The following GALNT17 variants were observed in gnomAD, a reference collection of about 807,000 sequenced individuals.
GALNT17 encodes polypeptide N-acetylgalactosaminyltransferase 17, also known as UDP-GalNAc:polypeptide N-acetylgalactosaminyltransferase-like 3.
In GALNT17, 29 loss-of-function variants were observed where a neutral mutation model predicts 63.7. The observed-to-expected ratio is 0.46, with a 90% confidence interval of 0.34 to 0.62. The LOEUF is 0.62. Among genes scored for constraint, GALNT17 ranks in the 20% least tolerant of loss-of-function variants. The probability of loss-of-function intolerance (pLI) is 0.01; values close to 1 mark genes in which losing one functional copy is unlikely to be tolerated. For missense variants in GALNT17, 603 were observed against 799.6 expected (o/e 0.75, Z 2.97); for synonymous variants, 305 against 318.3 (o/e 0.96, Z 0.45).
At chr7:71,301,862 C>A (rs1276503733) in intron 1 of GALNT17, among the ~76,000 whole-genome samples, 1 of 152,162 alleles carries the variant, frequency 6.6e-6, no homozygotes, top group Non-Finnish European at 1.5e-5. Context: ...CCTTTATAGG[C>A]GGTTTCTGCT....
At chr7:71,707,490 C>G (rs996760900) in intron 9 of GALNT17, among the ~76,000 whole-genome samples, 2 of 152,202 alleles carry the variant, frequency 1.3e-5, no homozygotes, top group Non-Finnish European at 2.9e-5. Context: ...TTCCCTGTAT[C>G]AGTCAGGAAT....
At chr7:71,626,931 G>A (rs1391948986) in intron 6 of GALNT17, among the ~76,000 whole-genome samples, 1 of 152,164 alleles carries the variant, frequency 6.6e-6, no homozygotes, top group Non-Finnish European at 1.5e-5. Context: ...GCCAGGACTG[G>A]GCGCCCCAGG....
At chr7:71,360,079 A>G (rs1792369653) in intron 2 of GALNT17, among the ~76,000 whole-genome samples, 3 of 152,212 alleles carry the variant, frequency 2.0e-5, no homozygotes, top group Admixed American at 6.5e-5. Context: ...CCAGGTTCCA[A>G]GTTTCAAAGA....
chr7:71,667,422 C>A (rs1202190626), intron 7 of GALNT17, among the ~76,000 whole-genome samples: 2 of 152,084 alleles, frequency 1.3e-5, no homozygotes, highest in Admixed American at 6.6e-5. Flanking sequence ...GTCCCAGGTA[C>A]CTAGTAAGTC....
At chr7:71,407,286 G>A (rs546423597) in intron 3 of GALNT17, among the ~76,000 whole-genome samples, 1 of 152,300 alleles carries the variant, frequency 6.6e-6, no homozygotes, top group African/African-American at 2.4e-5. Context: ...GCAGAGATGT[G>A]CCCAGGGAGA....
chr7:71,562,285 CCTT>C (rs1040907531), intron 5 of GALNT17, among the ~76,000 whole-genome samples: 9 of 152,188 alleles, frequency 5.9e-5, no homozygotes, highest in Non-Finnish European at 1.0e-4. Context: ...GTTTCTAGCT[CCTT>C]CTTTTCTCTC....
intron 6 of GALNT17, among the ~76,000 whole-genome samples, chr7:71,620,444 T>TC (rs1790273798): frequency 6.6e-6 from 1 of 152,138 alleles, no homozygotes; most frequent in African/African-American, 2.4e-5. Flanking sequence ...GCCACTGCAC[T>TC]CCAGCCTGGG....
At chr7:71,497,649 TA>T (rs2116692215) in intron 5 of GALNT17, among the ~76,000 whole-genome samples, 1 of 152,340 alleles carries the variant, frequency 6.6e-6, no homozygotes, top group Admixed American at 6.5e-5. Context: ...GACAGTCCAT[TA>T]AATGTAAGTC....
At chr7:71,440,077 C>A (rs1230033301) in intron 5 of GALNT17, among the ~76,000 whole-genome samples, 1 of 151,314 alleles carries the variant, frequency 6.6e-6, no homozygotes, top group Non-Finnish European at 1.5e-5. Flanking sequence ...CCCGAGCATG[C>A]GCCACCACGC....
chr7:71,542,193 C>T (rs1378011560), intron 5 of GALNT17, among the ~76,000 whole-genome samples: 1 of 152,086 alleles, frequency 6.6e-6, no homozygotes, highest in Non-Finnish European at 1.5e-5. Context: ...AGCTGCAAAC[C>T]TCCTTTTCTG....
chr7:71,374,030 T>C (rs1792676287), intron 2 of GALNT17, among the ~76,000 whole-genome samples: 1 of 152,242 alleles, frequency 6.6e-6, no homozygotes, highest in African/African-American at 2.4e-5. Flanking sequence ...ATTGTTTCCA[T>C]AGAAATATTT....
At chr7:71,617,640 G>A (rs1399140485) in intron 6 of GALNT17, among the ~76,000 whole-genome samples, 1 of 150,020 alleles carries the variant, frequency 6.7e-6, no homozygotes, top group Non-Finnish European at 1.5e-5. Context: ...TTGTTTGTTT[G>A]TTTGTTTGTT....
rs370353317 is a variant in GALNT17 at position 71,612,474 on chromosome 7, C to T, written c.1080+41072C>T. ...TGGGTCGAAATTAGTTAAAGGAATG[C>T]GTAAAGAAGAGGTTGTGTTCAGCAA... is the stretch of plus-strand genomic sequence containing the variant. On this transcript the variant is annotated intron_variant, in intron 6 of 10. Coordinates refer to ENST00000333538, the MANE Select transcript of GALNT17 (RefSeq NM_022479.3). Among the ~76,000 whole-genome samples the T allele has an allele frequency of 4.4e-4, 67 of 152,286 alleles. No homozygotes were observed. The South Asian group carries it at 1.0e-2, about 23-fold the overall frequency.
chr7:71,592,450 G>A (rs1352071569), intron 6 of GALNT17, among the ~76,000 whole-genome samples: 1 of 150,708 alleles, frequency 6.6e-6, no homozygotes, highest in East Asian at 2.0e-4. Flanking sequence ...AGCTGAGATC[G>A]TGCCACTGCA....
At position 71,416,000 on chromosome 7, in the gene GALNT17, G is replaced by A; in HGVS notation, c.701G>A (p.Trp234Ter). 6.2e-7 allele frequency: 1 copy of A among 1,613,744 alleles called. No individual in the cohort carries two copies. The highest frequency in any genetic ancestry group is 8.5e-7 in the Non-Finnish European group (1 of 1,179,834). Reference protein sequence around the residue: ...EGLIRARIEGWKVATGQVTGF... With the variant: ...EGLIRARIEG ...CTGATCCGCGCTCGCATTGAGGGCT[G>A]GAAGGTGGCTACCGGGCAGGTCACT... Residue 234 changes from tryptophan (W) to a stop codon, truncating the protein, a stop_gained, in exon 4 of 11, where the codon TGG becomes TAG. Coordinates refer to ENST00000333538, the MANE Select transcript of GALNT17 (RefSeq NM_022479.3). LOFTEE classifies it high-confidence loss of function.
In GALNT17 at chr7:71,446,582, C is replaced by G. The variant is rs559522986; in HGVS notation, c.962+25477C>G. On this transcript the variant is annotated intron_variant, in intron 5 of 10. Transcript: ENST00000333538. ...ATTTATTTTGAGGTGGAGTTTTGCT[C>G]TAGTCGCCCAGGCTGGAGTGCAATG... Among the ~76,000 whole-genome samples, 189 of 152,258 alleles carry G rather than the reference C, an allele frequency of 1.2e-3. 1 individual carries two copies. The highest frequency in any genetic ancestry group is 2.4e-3 in the Admixed American group (36 of 15,284).
intron 6 of GALNT17, among the ~76,000 whole-genome samples, chr7:71,579,144 A>G (rs569487464): frequency 1.3e-5 from 2 of 152,358 alleles, no homozygotes; most frequent in East Asian, 3.9e-4. Flanking sequence ...ATCCTTGGCT[A>G]TGTGAATACC....
intron 6 of GALNT17, among the ~76,000 whole-genome samples, chr7:71,647,156 C>T (rs571417684): frequency 6.6e-6 from 1 of 151,892 alleles, no homozygotes; most frequent in Non-Finnish European, 1.5e-5. Flanking sequence ...CCTCCACCTC[C>T]CAGGTTCAAG....
At chr7:71,510,312 A>T (rs1400923274) in intron 5 of GALNT17, among the ~76,000 whole-genome samples, 1 of 152,150 alleles carries the variant, frequency 6.6e-6, no homozygotes, top group African/African-American at 2.4e-5. Flanking sequence ...AACACAATCC[A>T]TTTTAGACCA....
Sources: allele counts gnomAD v4.1 joint callset (sites outside exome capture counted in the v4.1 genomes callset), GRCh38; gene constraint gnomAD v4.1.1; transcripts MANE v1.5; gene names NCBI Gene and HGNC (gene_info 2026-07-23, HGNC 2026-07-21).